The following SLC39A11 variants were observed in gnomAD, a reference collection of about 807,000 sequenced individuals.
SLC39A11 encodes zinc transporter ZIP11.
A neutral mutation model predicts 36.1 loss-of-function variants in SLC39A11; 33 were observed. The observed-to-expected ratio is 0.91, with a 90% CI of 0.69 to 1.22. The LOEUF (loss-of-function observed/expected upper bound fraction) is 1.22. Among genes scored for constraint, SLC39A11 ranks in the 50% most tolerant of loss-of-function variants. The pLI, the probability that SLC39A11 is intolerant of heterozygous loss-of-function variation, is 0.00. For synonymous variants in SLC39A11, 166 were observed against 170.3 expected (o/e 0.97, Z 0.20); for missense variants, 432 against 430.3 (o/e 1.00, Z -0.03).
chr17:72,840,734 G>C (rs181933933), intron 6 of SLC39A11, among the ~76,000 whole-genome samples: 1 of 152,000 alleles, frequency 6.6e-6, no homozygotes, highest in East Asian at 1.9e-4. Flanking sequence ...TCTACCCTGG[G>C]TGACAAGAGC....
chr17:72,956,108 C>T (rs2086236150), intron 4 of SLC39A11, among the ~76,000 whole-genome samples: 1 of 152,134 alleles, frequency 6.6e-6, no homozygotes, highest in South Asian at 2.1e-4. Context: ...ACCCTGAAGC[C>T]CACGATCCCT....
intron 7 of SLC39A11, among the ~76,000 whole-genome samples, chr17:72,693,214 G>A (rs1300591802): frequency 6.9e-6 from 1 of 145,976 alleles, no homozygotes; most frequent in Admixed American, 7.0e-5. Flanking sequence ...CCTCCCCTGG[G>A]CCCACCCACC....
intron 7 of SLC39A11, among the ~76,000 whole-genome samples, chr17:72,724,515 G>T (rs1429406485): frequency 6.6e-6 from 1 of 152,070 alleles, no homozygotes; most frequent in East Asian, 1.9e-4. Flanking sequence ...GAGACATCCT[G>T]GATGTTCCCT....
intron 6 of SLC39A11, among the ~76,000 whole-genome samples, chr17:72,838,573 T>A (rs12947147): frequency 0.39 from 58,788 of 152,064 alleles, 11,633 homozygotes; most frequent in East Asian, 0.66. Context: ...GGTATGTGAA[T>A]CATATCACAT....
At chr17:73,077,452 A>T (rs1453598351) in intron 3 of SLC39A11, among the ~76,000 whole-genome samples, 1 of 152,132 alleles carries the variant, frequency 6.6e-6, no homozygotes, top group Admixed American at 6.5e-5. Context: ...CAACTAGCTG[A>T]GATTACAGGC....
chr17:72,700,868 A>ACAG (rs1372353240), intron 7 of SLC39A11, among the ~76,000 whole-genome samples: 1 of 152,244 alleles, frequency 6.6e-6, no homozygotes, highest in African/African-American at 2.4e-5. Flanking sequence ...TACCATGAGA[A>ACAG]CAGCATATGG....
At chr17:73,034,559 C>G (rs2058842465) in intron 3 of SLC39A11, among the ~76,000 whole-genome samples, 1 of 152,186 alleles carries the variant, frequency 6.6e-6, no homozygotes, top group South Asian at 2.1e-4. Flanking sequence ...GCAGCAGCTT[C>G]TCTGGTTCTC....
At chr17:72,959,325 G>GTGTGTGTGTATATA (rs1436484912) in intron 4 of SLC39A11, among the ~76,000 whole-genome samples, 7 of 65,546 alleles carry the variant, frequency 1.1e-4, no homozygotes, top group African/African-American at 4.8e-4. Context: ...GTGTGTGTGT[G>GTGTGTGTGTATATA]TATATATATA....
At chr17:72,806,624 C>G (rs984177369) in intron 6 of SLC39A11, among the ~76,000 whole-genome samples, 1 of 152,094 alleles carries the variant, frequency 6.6e-6, no homozygotes, top group African/African-American at 2.4e-5. Context: ...TCTTTGTCGC[C>G]CAGACTGGAG....
At chr17:72,973,392 A>G (rs968591921) in intron 4 of SLC39A11, among the ~76,000 whole-genome samples, 12 of 151,580 alleles carry the variant, frequency 7.9e-5, no homozygotes, top group African/African-American at 2.9e-4. Flanking sequence ...TTTCCAGGAG[A>G]AGGAAGGGCA....
At chr17:72,944,959 C>T (rs1226828876) in intron 5 of SLC39A11, among the ~76,000 whole-genome samples, 1 of 152,026 alleles carries the variant, frequency 6.6e-6, no homozygotes, top group Admixed American at 6.6e-5. Context: ...GATGGGGGGA[C>T]TAGACCATAA....
chr17:72,728,239 G>A (rs2074012682), intron 7 of SLC39A11, among the ~76,000 whole-genome samples: 1 of 152,148 alleles, frequency 6.6e-6, no homozygotes, highest in Non-Finnish European at 1.5e-5. Flanking sequence ...TTGAGCTTAG[G>A]AGTTGGAGGC....
At chr17:72,695,563 T>C (rs1047031632) in intron 7 of SLC39A11, among the ~76,000 whole-genome samples, 13 of 152,312 alleles carry the variant, frequency 8.5e-5, no homozygotes, top group African/African-American at 2.9e-4. Context: ...GGTTGCATGG[T>C]AGTCCCCAAA....
intron 6 of SLC39A11, among the ~76,000 whole-genome samples, chr17:72,789,719 G>C (rs899203673): frequency 6.6e-6 from 1 of 152,172 alleles, no homozygotes; most frequent in Non-Finnish European, 1.5e-5. Context: ...TCATTATGAG[G>C]GTTCTTTATT....
intron 5 of SLC39A11, among the ~76,000 whole-genome samples, chr17:72,900,353 G>A (rs956868740): frequency 6.6e-6 from 1 of 152,122 alleles, no homozygotes; most frequent in Non-Finnish European, 1.5e-5. Context: ...TATCTGGAGG[G>A]AAGGAAGGGC....
intron 7 of SLC39A11, among the ~76,000 whole-genome samples, chr17:72,728,967 C>G (rs1298373822): frequency 6.6e-6 from 1 of 152,202 alleles, no homozygotes; most frequent in Non-Finnish European, 1.5e-5. Context: ...AGTCCTCATT[C>G]TCATGGTCAT....
At chr17:72,872,243 T>C (rs1269899133) in intron 5 of SLC39A11, among the ~76,000 whole-genome samples, 1 of 151,942 alleles carries the variant, frequency 6.6e-6, no homozygotes. Flanking sequence ...CCCTCTGGGG[T>C]GTGTCCCTAG....
chr17:72,842,168 A>AAAAT (rs1309143560), intron 6 of SLC39A11, among the ~76,000 whole-genome samples: 1 of 152,146 alleles, frequency 6.6e-6, no homozygotes, highest in Admixed American at 6.6e-5. Flanking sequence ...ACAAAAATTA[A>AAAAT]AAATAAATAA....
chr17:72,692,623 A>G (rs1288623506), intron 7 of SLC39A11, among the ~76,000 whole-genome samples: 1 of 152,046 alleles, frequency 6.6e-6, no homozygotes, highest in African/African-American at 2.4e-5. Flanking sequence ...TCATTCAATT[A>G]CCTCCCCCTG....
Sources: allele counts gnomAD v4.1 joint callset (sites outside exome capture counted in the v4.1 genomes callset), GRCh38; gene constraint gnomAD v4.1.1; transcripts MANE v1.5; gene names NCBI Gene and HGNC (gene_info 2026-07-23, HGNC 2026-07-21).